Variants in SUCLG2 observed in about 807,000 individuals in gnomAD.
SUCLG2 encodes succinate-CoA ligase GDP-forming subunit beta.
A neutral mutation model predicts 47.9 loss-of-function variants in SUCLG2; 42 were observed. The ratio of observed to expected loss-of-function variants is 0.88; its 90% CI spans 0.69 to 1.14. The LOEUF (loss-of-function observed/expected upper bound fraction) is 1.14, where lower values mean the gene tolerates loss of function less well. SUCLG2 is among the 50% of genes most tolerant of loss of function. The pLI is 0.00. For synonymous variants in SUCLG2, 195 were observed against 197.3 expected, an observed-to-expected ratio of 0.99 and a Z score of 0.10; for missense variants, 571 against 525.9, an observed-to-expected ratio of 1.09 and a Z score of -0.84.
At chr3:67,540,641 C>T (rs1706678344) in intron 2 of SUCLG2, among the ~76,000 whole-genome samples, 2 of 152,200 alleles carry the variant, frequency 1.3e-5, no homozygotes, top group Admixed American at 1.3e-4. Context: ...TTAAAAGTTC[C>T]TGCCTCCCGG....
At chr3:67,599,819 A>T (rs911838003) in intron 2 of SUCLG2, among the ~76,000 whole-genome samples, 2 of 152,176 alleles carry the variant, frequency 1.3e-5, no homozygotes, top group African/African-American at 2.4e-5. Context: ...AAGAAAAAAA[A>T]TTACACAGCT....
chr3:67,527,057 G>T lies in SUCLG2; in HGVS notation c.417+1075C>A, dbSNP rs193078163. 6.4e-4 allele frequency among the ~76,000 whole-genome samples: 98 copies of T among 152,314 alleles called. 1 individual carries two copies. Among genetic ancestry groups the T allele is most frequent in the Non-Finnish European group, 6.8e-4 (46 of 68,036 alleles). On this transcript the variant is annotated intron_variant, in intron 4 of 10. Coordinates refer to ENST00000307227, the MANE Select transcript of SUCLG2 (RefSeq NM_003848.4). ...GTATGCCTATATCAAAACATCTCATGTACCTTATAAATATATACACCTACT... is the reference window on the plus strand; with the variant it reads ...GTATGCCTATATCAAAACATCTCATTTACCTTATAAATATATACACCTACT...
At chr3:67,516,856 T>G (rs1301993388) in intron 6 of SUCLG2, among the ~76,000 whole-genome samples, 2 of 152,220 alleles carry the variant, frequency 1.3e-5, no homozygotes, top group East Asian at 3.8e-4. Context: ...CCACAGTGGC[T>G]GTATGGAAAA....
chr3:67,447,328 G>A (rs1272233125), intron 9 of SUCLG2, among the ~76,000 whole-genome samples: 1 of 152,070 alleles, frequency 6.6e-6, no homozygotes, highest in Non-Finnish European at 1.5e-5. Context: ...ACCAAAAAGT[G>A]ACTGTTTAAA....
chr3:67,378,628 A>C (rs112778434), intron 10 of SUCLG2, among the ~76,000 whole-genome samples: 2 of 152,346 alleles, frequency 1.3e-5, no homozygotes, highest in African/African-American at 4.8e-5. Flanking sequence ...GAGTGAGAGG[A>C]TCCACCTAAG....
intron 9 of SUCLG2, among the ~76,000 whole-genome samples, chr3:67,423,117 G>A (rs192258061): frequency 4.3e-4 from 65 of 152,254 alleles, no homozygotes; most frequent in African/African-American, 1.5e-3. Context: ...TAATGCCCAC[G>A]TATCAAGGTT....
chr3:67,506,096 T>C (rs1164245859), intron 7 of SUCLG2, among the ~76,000 whole-genome samples: 1 of 152,216 alleles, frequency 6.6e-6, no homozygotes, highest in Non-Finnish European at 1.5e-5. Flanking sequence ...GTGGAAATTT[T>C]ACCGTGAAAT....
At chr3:67,472,823 T>G (rs185725258) in intron 9 of SUCLG2, among the ~76,000 whole-genome samples, 13 of 152,292 alleles carry the variant, frequency 8.5e-5, no homozygotes, top group Admixed American at 7.8e-4. Flanking sequence ...GTGGGGATAA[T>G]GATATACTTC....
intron 2 of SUCLG2, among the ~76,000 whole-genome samples, chr3:67,587,085 T>C (rs1269519046): frequency 2.0e-5 from 3 of 152,218 alleles, no homozygotes; most frequent in Non-Finnish European, 4.4e-5. Flanking sequence ...CCATTCATTT[T>C]TCTAATGCTA....
chr3:67,395,090 G>A (rs1347896050), intron 10 of SUCLG2, among the ~76,000 whole-genome samples: 9 of 151,722 alleles, frequency 5.9e-5, no homozygotes, highest in Non-Finnish European at 1.2e-4. Flanking sequence ...AAAGACCATC[G>A]AGACTAGGAA....
At chr3:67,470,460 C>G (rs1181424875) in intron 9 of SUCLG2, among the ~76,000 whole-genome samples, 1 of 152,100 alleles carries the variant, frequency 6.6e-6, no homozygotes, top group Admixed American at 6.5e-5. Context: ...ATTTAATTGC[C>G]ATTGTAACAG....
chr3:67,511,117 G>C (rs1705776219), intron 6 of SUCLG2, among the ~76,000 whole-genome samples: 1 of 147,564 alleles, frequency 6.8e-6, no homozygotes, highest in South Asian at 2.2e-4. Flanking sequence ...TCAATCTCCT[G>C]ACCTCGTAAT....
At chr3:67,536,304 C>T (rs1178583118) in intron 2 of SUCLG2, among the ~76,000 whole-genome samples, 2 of 152,234 alleles carry the variant, frequency 1.3e-5, no homozygotes, top group African/African-American at 2.4e-5. Context: ...TTCACTTTTA[C>T]AGCAATATTA....
intron 2 of SUCLG2, among the ~76,000 whole-genome samples, chr3:67,554,347 G>C (rs1707099852): frequency 6.6e-6 from 1 of 152,104 alleles, no homozygotes; most frequent in Non-Finnish European, 1.5e-5. Flanking sequence ...TTGTTGTTAG[G>C]AATTTCAGTT....
At chr3:67,455,403 C>CT (rs1704159488) in intron 9 of SUCLG2, among the ~76,000 whole-genome samples, 1 of 152,154 alleles carries the variant, frequency 6.6e-6, no homozygotes, top group Non-Finnish European at 1.5e-5. Flanking sequence ...CCATAAGCAT[C>CT]TTTCATGTTT....
Position 67,506,479 on chromosome 3 carries a change from TA to T in SUCLG2, c.757+2327del, listed in dbSNP as rs1009028047. ...ATATAATGTTTTATGATGATTCCCT[TA>T]AAAAAAAATCTCAAGACTCTTCCAT... On this transcript the variant is annotated intron_variant, in intron 7 of 10. Transcript: ENST00000307227. Among the ~76,000 whole-genome samples the T allele has an allele frequency of 9.1e-4, 137 of 150,704 alleles. 2 individuals are homozygous for T. Among genetic ancestry groups the T allele is most frequent in the Non-Finnish European group, 3.1e-4 (21 of 67,576 alleles).
At chr3:67,497,078 C>A (rs1705363021) in intron 8 of SUCLG2, among the ~76,000 whole-genome samples, 1 of 152,046 alleles carries the variant, frequency 6.6e-6, no homozygotes, top group Non-Finnish European at 1.5e-5. Context: ...TTCTAAATGC[C>A]TACAAATATT....
At position 67,375,178 on chromosome 3, in the gene SUCLG2, C is replaced by T. The variant is rs1295764815; in HGVS notation, c.*566G>A. The T allele has an allele frequency of 2.0e-6, 2 of 985,396 alleles. No individual in the cohort carries two copies. Among genetic ancestry groups the T allele is most frequent in the Admixed American group, 1.2e-4 (2 of 16,256 alleles). 61.0% of individuals were successfully genotyped at this position (985,396 alleles called of 1,614,324 possible). On this transcript the variant is annotated 3_prime_UTR_variant, in exon 11 of 11. Coordinates refer to ENST00000307227, the MANE Select transcript of SUCLG2 (RefSeq NM_003848.4). ...CCATTATTAAATATATTTTGGAATACTCACGGATTTTTCAAACATATGTTA... is the reference window on the plus strand; with the variant it reads ...CCATTATTAAATATATTTTGGAATATTCACGGATTTTTCAAACATATGTTA...
chr3:67,525,994 C>A (rs1706246563), intron 4 of SUCLG2, among the ~76,000 whole-genome samples: 1 of 152,126 alleles, frequency 6.6e-6, no homozygotes, highest in African/African-American at 2.4e-5. Context: ...GCTGCTGTTA[C>A]AAAATACCTG....
Sources: gnomAD v4.1 joint callset for allele counts (sites outside exome capture counted in the v4.1 genomes callset) on GRCh38, gnomAD v4.1.1 for gene constraint, MANE v1.5 for transcripts, NCBI Gene and HGNC (gene_info 2026-07-23, HGNC 2026-07-21) for gene names.